ZNF804B: variants seen among roughly 807,000 people sequenced by gnomAD.
The protein encoded by ZNF804B is zinc finger protein 804B.
In ZNF804B, 80 loss-of-function variants were observed where a neutral mutation model predicts 101.4. The ratio of observed to expected loss-of-function variants is 0.79; its 90% confidence interval spans 0.66 to 0.95. The LOEUF (loss-of-function observed/expected upper bound fraction) is 0.95, where lower values mean the gene tolerates loss of function less well. ZNF804B is among the 40% of genes least tolerant of loss of function. ZNF804B has a pLI of 0.00. For missense variants in ZNF804B, 1,673 were observed against 1,561.9 expected, an observed-to-expected ratio of 1.07 and a Z score of -1.20; for synonymous variants, 622 against 558.8, an observed-to-expected ratio of 1.11 and a Z score of -1.59.
At chr7:88,991,965 G>A (rs1426530222) in intron 1 of ZNF804B, among the ~76,000 whole-genome samples, 3 of 152,156 alleles carry the variant, frequency 2.0e-5, no homozygotes, top group East Asian at 1.9e-4. Context: ...CTTTCTCTAC[G>A]TTTATTTCCC....
chr7:89,317,033 G>A lies in ZNF804B; in HGVS notation c.250-10311G>A, dbSNP rs801823. Reference sequence around the variant, plus strand: ...AGTACAGAGAAATGTTATCTACAATGGAGGGAGGTCAGGACTATTGAGAAA... The same window carrying A: ...AGTACAGAGAAATGTTATCTACAATAGAGGGAGGTCAGGACTATTGAGAAA... On this transcript the variant is annotated intron_variant, in intron 2 of 3. Transcript: ENST00000333190. Among the ~76,000 whole-genome samples the A allele has an allele frequency of 5.6e-3, 857 of 152,282 alleles. 9 individuals carry two copies. Among genetic ancestry groups the A allele is most frequent in the African/African-American group, 0.019 (810 of 41,550 alleles).
intron 1 of ZNF804B, among the ~76,000 whole-genome samples, chr7:88,776,903 C>T (rs922862356): frequency 2.6e-5 from 4 of 151,358 alleles, no homozygotes; most frequent in Admixed American, 1.3e-4. Context: ...AGAGGTAATC[C>T]AATACCAAGT....
At chr7:89,279,172 GA>G (rs1463697871) in intron 2 of ZNF804B, among the ~76,000 whole-genome samples, 1 of 152,070 alleles carries the variant, frequency 6.6e-6, no homozygotes, top group African/African-American at 2.4e-5. Flanking sequence ...TGGTGTATAA[GA>G]ATGCTTGTGA....
chr7:89,260,824 G>A (rs1039626816), intron 2 of ZNF804B, among the ~76,000 whole-genome samples: 10 of 152,092 alleles, frequency 6.6e-5, no homozygotes, highest in African/African-American at 2.2e-4. Context: ...CAGCTGTATC[G>A]TATCAAGCAA....
rs1472512278 is a variant in ZNF804B at position 88,968,383 on chromosome 7, TG to T, written c.108+208300del. Reference sequence around the variant, plus strand: ...TTTCTGATTGTATCATTTTTGCTCTTGTCACTAATTTGTATTCTTTTTTCCT... The same window carrying T: ...TTTCTGATTGTATCATTTTTGCTCTTTCACTAATTTGTATTCTTTTTTCCT... On this transcript the variant is annotated intron_variant, in intron 1 of 3. Coordinates refer to ENST00000333190, the MANE Select transcript of ZNF804B (RefSeq NM_181646.5). 5.3e-5 allele frequency among the ~76,000 whole-genome samples: 8 copies of T among 151,724 alleles called. No individual in the cohort carries two copies. The East Asian group carries it at 1.6e-3, about 30-fold the overall frequency.
chr7:89,170,170 A>G (rs1791202820), intron 1 of ZNF804B, among the ~76,000 whole-genome samples: 1 of 152,212 alleles, frequency 6.6e-6, no homozygotes, highest in Non-Finnish European at 1.5e-5. Flanking sequence ...TAAATTTTGT[A>G]TGAAAACACA....
chr7:88,769,123 A>G lies in ZNF804B; in HGVS notation c.108+9039A>G, dbSNP rs143532065. On this transcript the variant is annotated intron_variant, in intron 1 of 3. Coordinates refer to ENST00000333190, the MANE Select transcript of ZNF804B (RefSeq NM_181646.5). ...TGGGGGAAAACTTCCAACAAGTTTT[A>G]TCAAACTCCAATTGGGATAATTATC... Among the ~76,000 whole-genome samples, 1,116 of 152,344 alleles carry G rather than the reference A, an allele frequency of 7.3e-3. 13 individuals carry two copies. Among genetic ancestry groups the G allele is most frequent in the African/African-American group, 0.025 (1,056 of 41,578 alleles).
intron 1 of ZNF804B, among the ~76,000 whole-genome samples, chr7:89,034,707 A>G (rs947190029): frequency 1.3e-5 from 2 of 152,176 alleles, no homozygotes; most frequent in East Asian, 1.9e-4. Context: ...GCTGCAATAT[A>G]CATACATGTG....
At chr7:89,234,190 G>A (rs574507143) in intron 2 of ZNF804B, among the ~76,000 whole-genome samples, 1 of 151,912 alleles carries the variant, frequency 6.6e-6, no homozygotes, top group African/African-American at 2.4e-5. Flanking sequence ...TTAAAGATAT[G>A]GCAATTAATT....
intron 1 of ZNF804B, among the ~76,000 whole-genome samples, chr7:89,078,339 C>T (rs181209673): frequency 6.6e-6 from 1 of 152,010 alleles, no homozygotes; most frequent in Non-Finnish European, 1.5e-5. Context: ...ATAGCATGTG[C>T]TTACTAGAAA....
chr7:89,129,109 A>G (rs186885351), intron 1 of ZNF804B, among the ~76,000 whole-genome samples: 195 of 152,128 alleles, frequency 1.3e-3, no homozygotes, highest in Admixed American at 2.0e-3. Flanking sequence ...AAAGTTTGAT[A>G]ACCTGTAAGT....
At chr7:89,096,460 T>C (rs1789973794) in intron 1 of ZNF804B, among the ~76,000 whole-genome samples, 1 of 152,178 alleles carries the variant, frequency 6.6e-6, no homozygotes, top group South Asian at 2.1e-4. Context: ...ATGCTCCTCT[T>C]TGCTGGCCTT....
At chr7:88,861,592 C>T (rs1346906243) in intron 1 of ZNF804B, among the ~76,000 whole-genome samples, 3 of 152,166 alleles carry the variant, frequency 2.0e-5, no homozygotes, top group Non-Finnish European at 4.4e-5. Context: ...CGATATCTGT[C>T]ACATTTTCTA....
At chr7:89,050,151 C>T (rs1006763994) in intron 1 of ZNF804B, among the ~76,000 whole-genome samples, 10 of 151,902 alleles carry the variant, frequency 6.6e-5, no homozygotes, top group East Asian at 5.8e-4. Context: ...AATCGTATTT[C>T]GGAAGATAAA....
intron 1 of ZNF804B, among the ~76,000 whole-genome samples, chr7:88,877,980 G>GA (rs1169075572): frequency 6.6e-6 from 1 of 152,040 alleles, no homozygotes; most frequent in African/African-American, 2.4e-5. Context: ...GAATATGACA[G>GA]AAAATACTGA....
At chr7:89,171,679 C>T (rs1324846479) in intron 1 of ZNF804B, among the ~76,000 whole-genome samples, 1 of 152,092 alleles carries the variant, frequency 6.6e-6, no homozygotes, top group Non-Finnish European at 1.5e-5. Flanking sequence ...AAGTGATCCG[C>T]CTGCCTTGGC....
At chr7:88,968,902 T>A (rs915619607) in intron 1 of ZNF804B, among the ~76,000 whole-genome samples, 1 of 151,660 alleles carries the variant, frequency 6.6e-6, no homozygotes, top group African/African-American at 2.4e-5. Flanking sequence ...GTATCTTTTC[T>A]ACATATATGT....
intron 1 of ZNF804B, among the ~76,000 whole-genome samples, chr7:89,131,461 G>GCCTA (rs1790545997): frequency 6.6e-6 from 1 of 151,934 alleles, no homozygotes; most frequent in Admixed American, 6.6e-5. Flanking sequence ...ACCCAGTTAT[G>GCCTA]CCTAACATGG....
intron 1 of ZNF804B, among the ~76,000 whole-genome samples, chr7:88,933,388 A>G (rs1343543275): frequency 1.3e-5 from 2 of 152,018 alleles, no homozygotes; most frequent in African/African-American, 4.8e-5. Context: ...CAAGACAAGG[A>G]TGCACACTTT....
Sources: allele counts gnomAD v4.1 joint callset (sites outside exome capture counted in the v4.1 genomes callset), GRCh38; gene constraint gnomAD v4.1.1; transcripts MANE v1.5; gene names NCBI Gene and HGNC (gene_info 2026-07-23, HGNC 2026-07-21).